EVC: variants seen among roughly 807,000 people sequenced by gnomAD.
EVC encodes evC complex member EVC.
In EVC, 116 loss-of-function variants were observed where a neutral mutation model predicts 118.9. The ratio of observed to expected loss-of-function variants is 0.98; its 90% CI spans 0.84 to 1.14. The LOEUF is 1.14. Among genes scored for constraint, EVC ranks in the 50% most tolerant of loss-of-function variants. The pLI is 0.00. For synonymous variants in EVC, 619 were observed against 534.7 expected, an observed-to-expected ratio of 1.16 and a Z score of -2.18; for missense variants, 1,401 against 1,246.4, an observed-to-expected ratio of 1.12 and a Z score of -1.87.
intron 11 of EVC, among the ~76,000 whole-genome samples, chr4:5,768,603 TC>T (rs1733408810): frequency 1.3e-5 from 2 of 152,126 alleles, no homozygotes; most frequent in Non-Finnish European, 2.9e-5. Flanking sequence ...ACACCTGTGA[TC>T]CCAGCACTTT....
chr4:5,798,104 C>G lies in EVC; in HGVS notation c.2098-482C>G, dbSNP rs946194058. 6.6e-6 allele frequency among the ~76,000 whole-genome samples: 1 copy of G among 152,160 alleles called. No homozygotes were observed. Among genetic ancestry groups the G allele is most frequent in the African/African-American group, 2.4e-5 (1 of 41,434 alleles). On this transcript the variant is annotated intron_variant, in intron 14 of 20. Transcript: ENST00000264956. The surrounding 1 kb of genome is among the most constrained non-coding windows in gnomAD (Gnocchi z 4.1). ...AGGACTCACGGACCTCGCTACAGCCCCGCTCACTTCTTTCTCTCTTATTTC... is the reference window on the plus strand; with the variant it reads ...AGGACTCACGGACCTCGCTACAGCCGCGCTCACTTCTTTCTCTCTTATTTC...
At chr4:5,773,020 C>G (rs3856953) in intron 11 of EVC, among the ~76,000 whole-genome samples, 7 of 152,164 alleles carry the variant, frequency 4.6e-5, no homozygotes, top group East Asian at 1.9e-4. Flanking sequence ...CATGTGTGCA[C>G]TGTCCCCTGT....
chr4:5,801,958 G>A lies in EVC; in HGVS notation c.2313G>A (p.Leu771=), dbSNP rs756905795. 6.2e-7 allele frequency: 1 copy of A among 1,613,534 alleles called. No individual in the cohort carries two copies. The highest frequency in any genetic ancestry group is 1.8e-4 in the Middle Eastern group (1 of 5,586). Residue 771 remains leucine (L), a synonymous_variant, in exon 16 of 21, where the codon CTG becomes CTA. Transcript: ENST00000264956. ...AKDRDDFKRT[L]MEAAVESVYV... is the part of the protein sequence containing the mutation. ...TTCCTTTCTTCCCTCAGAGGACACT[G>A]ATGGAGGCGGCAGTGGAGAGCGTCT...
In EVC at chr4:5,732,588, G is replaced by A. The variant is rs143915327; in HGVS notation, c.618-763G>A. ...TACACTCTGCCATGTATCTGCCCCC[G>A]TTGACCCTATGATGGTCACTTGATT... On this transcript the variant is annotated intron_variant, in intron 4 of 20. Transcript: ENST00000264956. Among the ~76,000 whole-genome samples the A allele has an allele frequency of 2.1e-3, 319 of 152,312 alleles. 2 individuals carry two copies. The highest frequency in any genetic ancestry group is 7.2e-3 in the African/African-American group (298 of 41,576).
rs1252381025 is a variant in EVC at position 5,738,952 on chromosome 4, A to C, written c.703-2764A>C. Among the ~76,000 whole-genome samples, 2 of 152,178 alleles carry C rather than the reference A, an allele frequency of 1.3e-5. No individual in the cohort carries two copies. Among genetic ancestry groups the C allele is most frequent in the African/African-American group, 4.8e-5 (2 of 41,436 alleles). On this transcript the variant is annotated intron_variant, in intron 5 of 20. Coordinates refer to ENST00000264956, the MANE Select transcript of EVC (RefSeq NM_153717.3). This position sits in a 1 kb window ranked among gnomAD's most constrained non-coding sequence, Gnocchi z 6.5. ...AGTTATTTTTAAAATTAAGGTATGT[A>C]CTTTTTTAGACATACTGCTATTGTA...
At chr4:5,824,034 G>A in the EVC span, among the ~76,000 whole-genome samples, 3 of 152,220 alleles carry the variant, frequency 2.0e-5, no homozygotes, top group Admixed American at 2.0e-4. Flanking sequence ...AGGACTAAGA[G>A]TGAAACTGAG....
intron 17 of EVC, among the ~76,000 whole-genome samples, chr4:5,806,252 T>C (rs984140109): frequency 6.6e-6 from 1 of 151,838 alleles, no homozygotes; most frequent in African/African-American, 2.4e-5. Context: ...GCTAATTTTT[T>C]TGTATTTTTA....
At chr4:5,740,228 T>G (rs566635454) in intron 5 of EVC, among the ~76,000 whole-genome samples, 1 of 152,216 alleles carries the variant, frequency 6.6e-6, no homozygotes, top group East Asian at 1.9e-4. Context: ...CCCAGCACTT[T>G]GGGAGGCTGA....
chr4:5,778,941 C>T (rs897963202), intron 11 of EVC, among the ~76,000 whole-genome samples: 1 of 152,030 alleles, frequency 6.6e-6, no homozygotes, highest in South Asian at 2.1e-4. Flanking sequence ...ATGGTAATGC[C>T]TAGGTTTTCT....
At chr4:5,828,542 G>A in the EVC span, 87 of 1,614,236 alleles carry the variant, frequency 5.4e-5, no homozygotes, top group Admixed American at 2.8e-4. Context: ...GCCTTCCGCG[G>A]AATGAAGCGG....
intron 8 of EVC, among the ~76,000 whole-genome samples, chr4:5,750,119 G>T (rs191759831): frequency 6.6e-6 from 1 of 152,038 alleles, no homozygotes; most frequent in Admixed American, 6.6e-5. Flanking sequence ...ACGCAGATAA[G>T]GAGCCCACTC....
chr4:5,752,812 G>A lies in EVC; in HGVS notation c.1099-24G>A, dbSNP rs761290416. ...GTGGTTCCCAGGACACCCCAGCTATGGTCCTGTGTGTTTCTTTTTGCAGGA... is the reference window on the plus strand; with the variant it reads ...GTGGTTCCCAGGACACCCCAGCTATAGTCCTGTGTGTTTCTTTTTGCAGGA... On this transcript the variant is annotated intron_variant, in intron 8 of 20. Coordinates refer to ENST00000264956, the MANE Select transcript of EVC (RefSeq NM_153717.3). 8.1e-6 allele frequency: 13 copies of A among 1,612,014 alleles called. No homozygotes were observed. The South Asian group carries it at 1.3e-4, about 16-fold the overall frequency.
At chr4:5,740,317 A>G (rs1728326669) in intron 5 of EVC, among the ~76,000 whole-genome samples, 1 of 152,038 alleles carries the variant, frequency 6.6e-6, no homozygotes, top group Non-Finnish European at 1.5e-5. Context: ...CTAAAAATAC[A>G]AAAATTAGCC....
intron 11 of EVC, among the ~76,000 whole-genome samples, chr4:5,763,908 A>G (rs1223098319): frequency 5.6e-5 from 7 of 125,778 alleles, no homozygotes; most frequent in Admixed American, 3.9e-4. Flanking sequence ...TCTCCTGCCT[A>G]ATTGCCCTGG....
At chr4:5,735,624 A>C (rs1476701490) in intron 5 of EVC, among the ~76,000 whole-genome samples, 1 of 151,938 alleles carries the variant, frequency 6.6e-6, no homozygotes, top group Non-Finnish European at 1.5e-5. Flanking sequence ...TAAATGTTTT[A>C]CTTTTTTGAA....
the EVC span, chr4:5,828,349 A>C: frequency 1.4e-6 from 2 of 1,433,776 alleles, no homozygotes; most frequent in Non-Finnish European, 1.8e-6. Context: ...CCAGCGTCTC[A>C]ACCCATTTAA....
intron 20 of EVC, 80 bp from the exon 21 acceptor site, chr4:5,810,873 A>T: frequency 2.3e-6 from 3 of 1,320,552 alleles, no homozygotes; most frequent in Non-Finnish European, 3.2e-6. Context: ...ATTTTCATTT[A>T]ATCCGATTGG....
At chr4:5,783,916 A>C (rs752834496) in intron 12 of EVC, 152 bp downstream of exon 12, 6 of 716,386 alleles carry the variant, frequency 8.4e-6, no homozygotes, top group Non-Finnish European at 1.4e-5. Context: ...GGCCCACCAC[A>C]GGGGTGGGAT....
chr4:5,781,324 A>G (rs557539308), intron 11 of EVC, among the ~76,000 whole-genome samples: 1 of 152,250 alleles, frequency 6.6e-6, no homozygotes, highest in African/African-American at 2.4e-5. Context: ...CAAAGCCGCT[A>G]TCTCAGGGAG....
Sources: allele counts gnomAD v4.1 joint callset (sites outside exome capture counted in the v4.1 genomes callset), GRCh38; gene constraint gnomAD v4.1.1; non-coding constraint Gnocchi (gnomAD v3.1); transcripts MANE v1.5; gene names NCBI Gene and HGNC (gene_info 2026-07-23, HGNC 2026-07-21).